CHRNA7: variants seen among roughly 807,000 people sequenced by gnomAD.
CHRNA7 encodes the protein neuronal acetylcholine receptor subunit alpha-7.
A neutral mutation model predicts 48.0 loss-of-function variants in CHRNA7; 17 were observed. The observed-to-expected ratio is 0.35, with a 90% CI of 0.24 to 0.53. CHRNA7 has a LOEUF of 0.53. CHRNA7 is among the 20% of genes least tolerant of loss of function. The pLI is 0.92. For missense variants in CHRNA7, 155 were observed against 577.7 expected (o/e 0.27, Z 7.50); for synonymous variants, 75 against 242.3 (o/e 0.31, Z 6.41).
intron 4 of CHRNA7, among the ~76,000 whole-genome samples, chr15:32,131,140 A>G (rs1054107666): frequency 2.0e-5 from 3 of 152,030 alleles, no homozygotes; most frequent in Non-Finnish European, 4.4e-5. Context: ...ATGTTTGATT[A>G]TGATGATTCT....
At chr15:32,059,238 A>G (rs1299352310) in intron 2 of CHRNA7, among the ~76,000 whole-genome samples, 1 of 152,144 alleles carries the variant, frequency 6.6e-6, no homozygotes, top group Non-Finnish European at 1.5e-5. Flanking sequence ...TCCTGACGTC[A>G]GGTGATGTGC....
intron 9 of CHRNA7, among the ~76,000 whole-genome samples, chr15:32,166,832 C>A (rs1479858067): frequency 1.6e-5 from 2 of 124,106 alleles, no homozygotes; most frequent in Non-Finnish European, 3.2e-5. Context: ...TGATTTTTCT[C>A]CAGCTTCTTT....
chr15:32,152,293 A>G (rs190870552), intron 4 of CHRNA7, among the ~76,000 whole-genome samples: 1 of 152,172 alleles, frequency 6.6e-6, no homozygotes, highest in Non-Finnish European at 1.5e-5. Flanking sequence ...AAATATAACA[A>G]TTAGCCGGGA....
intron 9 of CHRNA7, chr15:32,166,625 T>TTTATAGTAACCTA (rs2052167857): frequency 6.6e-6 from 1 of 151,114 alleles, no homozygotes; most frequent in African/African-American, 2.5e-5. Context: ...AATAAACCTG[T>TTTATAGTAACCTA]TAGGTTACTG....
intron 5 of CHRNA7, chr15:32,156,369 C>T (rs1451826853): frequency 1.9e-5 from 1 of 51,568 alleles, no homozygotes; most frequent in Non-Finnish European, 3.9e-5. Context: ...AAAGGAACTT[C>T]AGGGGACAAA....
rs1025426047 is a variant in CHRNA7, at chr15:32,149,710, T to C, written c.351-4197T>C. ...CATGTAGCTCAATATTCTGTTTGGATGAAAAACATTCAGAAATCACTGAGT... is the reference window on the plus strand; with the variant it reads ...CATGTAGCTCAATATTCTGTTTGGACGAAAAACATTCAGAAATCACTGAGT... On this transcript the variant is annotated intron_variant, in intron 4 of 9. Transcript: ENST00000306901. The surrounding 1 kb of genome is among the most constrained non-coding windows in gnomAD (Gnocchi z 4.6). 2.6e-5 allele frequency among the ~76,000 whole-genome samples: 4 copies of C among 152,148 alleles called. No homozygotes were observed. Among genetic ancestry groups the C allele is most frequent in the Admixed American group, 2.6e-4 (4 of 15,274 alleles).
At chr15:32,073,548 A>C (rs2050090345) in intron 2 of CHRNA7, among the ~76,000 whole-genome samples, 1 of 152,208 alleles carries the variant, frequency 6.6e-6, no homozygotes, top group African/African-American at 2.4e-5. Flanking sequence ...TAGGGGACCA[A>C]GTGCAGAATG....
chr15:32,034,621 G>T (rs1901997301), intron 2 of CHRNA7, among the ~76,000 whole-genome samples: 1 of 152,140 alleles, frequency 6.6e-6, no homozygotes, highest in African/African-American at 2.4e-5. Context: ...AGGAGGCAGT[G>T]TGCCAGGGGT....
rs2051970281 is a variant in CHRNA7 at position 32,163,590 on chromosome 15, CAGG to C, written c.990+256_990+258del. On this transcript the variant is annotated intron_variant, in intron 9 of 9. Transcript: ENST00000306901. ...TCAGCCTCCTAAGTAGCTGGGACTA[CAGG>C]TGCCTGCCACCACACCTGGCCAATT... 1.5e-5 allele frequency: 2 copies of C among 135,866 alleles called. 1 individual carries two copies. The highest frequency in any genetic ancestry group is 1.0e-4 in the African/African-American group (2 of 19,818). The allele number at this position is 135,866 out of a possible 1,614,324, so 8.4% of individuals were successfully genotyped here.
intron 2 of CHRNA7, among the ~76,000 whole-genome samples, chr15:32,060,086 TA>T (rs2049854911): frequency 6.8e-6 from 1 of 146,860 alleles, no homozygotes; most frequent in African/African-American, 2.5e-5. Context: ...CTAAGCAGAA[TA>T]AGTGAGATAT....
At chr15:32,041,776 C>G (rs978944584) in intron 2 of CHRNA7, among the ~76,000 whole-genome samples, 2 of 152,242 alleles carry the variant, frequency 1.3e-5, no homozygotes, top group Non-Finnish European at 2.9e-5. Flanking sequence ...TCAGCTGTAT[C>G]CAACCTACTA....
chr15:32,072,159 C>T (rs1225000117), intron 2 of CHRNA7, among the ~76,000 whole-genome samples: 1 of 152,194 alleles, frequency 6.6e-6, no homozygotes, highest in East Asian at 1.9e-4. Context: ...ACTCCTGTTA[C>T]ACCCTAGCAG....
chr15:32,087,014 A>G (rs1409867490), intron 2 of CHRNA7, among the ~76,000 whole-genome samples: 4 of 152,110 alleles, frequency 2.6e-5, no homozygotes, highest in African/African-American at 9.7e-5. Context: ...GGAAGTCACT[A>G]TGCACAGCCC....
At chr15:32,083,678 C>T (rs2050251063) in intron 2 of CHRNA7, among the ~76,000 whole-genome samples, 1 of 152,118 alleles carries the variant, frequency 6.6e-6, no homozygotes, top group Non-Finnish European at 1.5e-5. Flanking sequence ...CTAGCCAGTT[C>T]AGGGTTTATA....
At chr15:32,082,962 C>CT (rs2050239123) in intron 2 of CHRNA7, among the ~76,000 whole-genome samples, 1 of 152,184 alleles carries the variant, frequency 6.6e-6, no homozygotes, top group African/African-American at 2.4e-5. Flanking sequence ...TGATGAAACA[C>CT]TGTCTCCTAC....
chr15:32,135,121 AC>A (rs985586260), intron 4 of CHRNA7, among the ~76,000 whole-genome samples: 12 of 152,172 alleles, frequency 7.9e-5, no homozygotes, highest in Non-Finnish European at 1.6e-4. Flanking sequence ...GGAAGCCTGC[AC>A]CCCCCAGGAG....
intron 2 of CHRNA7, among the ~76,000 whole-genome samples, chr15:32,074,740 C>T (rs1047719525): frequency 2.6e-4 from 39 of 151,628 alleles, no homozygotes; most frequent in Non-Finnish European, 2.2e-4. Context: ...CTGCAACCTC[C>T]GCCTCCTGGG....
At chr15:32,110,175 G>A (rs2050739934) in intron 3 of CHRNA7, among the ~76,000 whole-genome samples, 2 of 152,244 alleles carry the variant, frequency 1.3e-5, no homozygotes, top group Admixed American at 1.3e-4. Context: ...AGAAAGCACA[G>A]GTGTTGGCTG....
chr15:32,115,593 C>T (rs900063470), intron 4 of CHRNA7, among the ~76,000 whole-genome samples: 45 of 152,098 alleles, frequency 3.0e-4, no homozygotes, highest in Non-Finnish European at 5.0e-4. Context: ...GAGCGTCTTG[C>T]GGGGCGAGGA....
Sources: gnomAD v4.1 joint callset for allele counts (sites outside exome capture counted in the v4.1 genomes callset) on GRCh38, gnomAD v4.1.1 for gene constraint, Gnocchi (gnomAD v3.1) non-coding constraint, MANE v1.5 for transcripts, NCBI Gene and HGNC (gene_info 2026-07-23, HGNC 2026-07-21) for gene names.